Variants in PRKN observed in about 807,000 individuals in gnomAD.
PRKN encodes E3 ubiquitin-protein ligase parkin.
PRKN carries 56 observed loss-of-function variants against 59.5 expected under a neutral mutation model. That is an observed-to-expected ratio of 0.94 (90% CI 0.76 to 1.18). The LOEUF is 1.18. Ranked by LOEUF, PRKN falls within the 50% of genes most tolerant of loss-of-function variation. PRKN has a pLI of 0.00. For missense variants in PRKN, 657 were observed against 596.4 expected, an observed-to-expected ratio of 1.10 and a Z score of -1.06; for synonymous variants, 250 against 222.1, an observed-to-expected ratio of 1.13 and a Z score of -1.12.
At chr6:162,251,339 T>A (rs762969986) in intron 3 of PRKN, among the ~76,000 whole-genome samples, 11 of 152,140 alleles carry the variant, frequency 7.2e-5, no homozygotes, top group Admixed American at 2.6e-4. Flanking sequence ...GAATCACCTG[T>A]GAAACCTTCA....
chr6:162,293,320 C>G (rs1439606159), intron 2 of PRKN, among the ~76,000 whole-genome samples: 1 of 152,122 alleles, frequency 6.6e-6, no homozygotes, highest in African/African-American at 2.4e-5. Flanking sequence ...GAGTATTTCT[C>G]AAAGGGGCCC....
chr6:161,371,327 G>A lies in PRKN; in HGVS notation c.1168-11122C>T, dbSNP rs919590673. ...TTACAGGTGCCTGCTACCACACCCG[G>A]CTACTTGGGAGGCTGAGGGAGGAGA... On this transcript the variant is annotated intron_variant, in intron 10 of 11. Transcript: ENST00000366898. The surrounding 1 kb of genome is among the most constrained non-coding windows in gnomAD (Gnocchi z 5.5). 3.9e-5 allele frequency among the ~76,000 whole-genome samples: 6 copies of A among 151,958 alleles called. No individual in the cohort carries two copies. The East Asian group carries it at 1.2e-3, about 30-fold the overall frequency.
intron 1 of PRKN, among the ~76,000 whole-genome samples, chr6:162,679,904 T>C (rs2128232410): frequency 6.6e-6 from 1 of 152,286 alleles, no homozygotes; most frequent in East Asian, 1.9e-4. Context: ...GTTAAAGCCT[T>C]AGGGTCAGCA....
intron 1 of PRKN, among the ~76,000 whole-genome samples, chr6:162,527,339 C>T (rs1370466266): frequency 6.6e-6 from 1 of 152,060 alleles, no homozygotes; most frequent in Admixed American, 6.6e-5. Flanking sequence ...TAACAGTCTT[C>T]GAAGGTATGC....
chr6:161,906,964 G>GC (rs1395751611), intron 6 of PRKN, among the ~76,000 whole-genome samples: 2 of 151,970 alleles, frequency 1.3e-5, no homozygotes, highest in Non-Finnish European at 2.9e-5. Flanking sequence ...ATTAGATGGT[G>GC]CCCACCCAGA....
intron 5 of PRKN, among the ~76,000 whole-genome samples, chr6:162,018,012 AT>A (rs1229173206): frequency 2.0e-5 from 3 of 149,914 alleles, no homozygotes; most frequent in African/African-American, 7.6e-5. Flanking sequence ...AACACAGGCC[AT>A]AATAACTTTT....
intron 1 of PRKN, among the ~76,000 whole-genome samples, chr6:162,621,894 C>T (rs1182616618): frequency 1.3e-5 from 2 of 152,132 alleles, no homozygotes; most frequent in Non-Finnish European, 2.9e-5. Flanking sequence ...CGGCTTACTG[C>T]AGCCTCCATC....
intron 7 of PRKN, among the ~76,000 whole-genome samples, chr6:161,782,806 A>G (rs2128206021): frequency 6.6e-6 from 1 of 152,214 alleles, no homozygotes; most frequent in East Asian, 1.9e-4. Flanking sequence ...AGGCAGGAGA[A>G]TCACTTGAAC....
chr6:162,112,185 A>G (rs937788464), intron 4 of PRKN, among the ~76,000 whole-genome samples: 2 of 152,218 alleles, frequency 1.3e-5, no homozygotes, highest in Non-Finnish European at 2.9e-5. Context: ...ACCTTCAAAC[A>G]ACACTTGACA....
At position 162,360,439 on chromosome 6, in the gene PRKN, A is replaced by C. The variant is rs535129262; in HGVS notation, c.171+82871T>G. On this transcript the variant is annotated intron_variant, in intron 2 of 11. Coordinates refer to ENST00000366898, the MANE Select transcript of PRKN (RefSeq NM_004562.3). Reference sequence around the variant, plus strand: ...ACAAATTAATGGATTTTGAAGGAGAAAGGCTTTCCTTTCAAAAGAATGGTA... The same window carrying C: ...ACAAATTAATGGATTTTGAAGGAGACAGGCTTTCCTTTCAAAAGAATGGTA... Among the ~76,000 whole-genome samples, 3 of 152,292 alleles carry C rather than the reference A, an allele frequency of 2.0e-5. No individual in the cohort carries two copies. In the East Asian group the frequency reaches 5.8e-4, roughly 29 times the overall value.
At chr6:162,294,053 A>C (rs563167567) in intron 2 of PRKN, among the ~76,000 whole-genome samples, 2 of 152,254 alleles carry the variant, frequency 1.3e-5, no homozygotes, top group East Asian at 3.9e-4. Flanking sequence ...GCCAAAGTCA[A>C]GTCTTTAGGG....
intron 1 of PRKN, among the ~76,000 whole-genome samples, chr6:162,599,499 TAAC>T (rs71927433): frequency 0.91 from 137,051 of 151,418 alleles, 62,276 homozygotes; most frequent in South Asian, 0.97. Flanking sequence ...ACAGAAAAAA[TAAC>T]AACAACAACA....
chr6:161,980,606 C>A (rs1354367809), intron 5 of PRKN, among the ~76,000 whole-genome samples: 1 of 152,210 alleles, frequency 6.6e-6, no homozygotes, highest in Non-Finnish European at 1.5e-5. Context: ...GTATTGGAGT[C>A]ACCACAGCTC....
rs1358067176 is a variant in PRKN, at chr6:161,407,971, C to T, written c.1084-21094G>A. 6.6e-5 allele frequency among the ~76,000 whole-genome samples: 10 copies of T among 152,174 alleles called. No individual in the cohort carries two copies. Among genetic ancestry groups the T allele is most frequent in the Non-Finnish European group, 1.5e-4 (10 of 68,048 alleles). On this transcript the variant is annotated intron_variant, in intron 9 of 11. Transcript: ENST00000366898. The surrounding 1 kb of genome is among the most constrained non-coding windows in gnomAD (Gnocchi z 4.9). The stretch of plus-strand genomic sequence containing the variant: ...CTATAAAGCTGCCCCTCTCCTATCT[C>T]CCTTCGCTGACTCTCTTTTTGGACT...
intron 9 of PRKN, among the ~76,000 whole-genome samples, chr6:161,430,920 G>A (rs1383809222): frequency 2.6e-5 from 4 of 151,494 alleles, no homozygotes; most frequent in Non-Finnish European, 5.9e-5. Context: ...CGGATCACCT[G>A]AGGTCAGAAG....
At chr6:161,781,324 A>G (rs1037667486) in intron 7 of PRKN, among the ~76,000 whole-genome samples, 1 of 152,192 alleles carries the variant, frequency 6.6e-6, no homozygotes, top group African/African-American at 2.4e-5. Flanking sequence ...AGGTGGCCAC[A>G]TTCACAAAAA....
At chr6:162,112,702 G>C (rs1780493753) in intron 4 of PRKN, among the ~76,000 whole-genome samples, 1 of 151,906 alleles carries the variant, frequency 6.6e-6, no homozygotes, top group Non-Finnish European at 1.5e-5. Context: ...GATCACTTGA[G>C]CTAAGACAGG....
chr6:162,379,661 T>G (rs551968980), intron 2 of PRKN, among the ~76,000 whole-genome samples: 14 of 152,276 alleles, frequency 9.2e-5, no homozygotes, highest in Non-Finnish European at 2.1e-4. Context: ...CCAAAGGTCC[T>G]GAGAGCATGC....
At chr6:161,958,821 A>G (rs1204827767) in intron 6 of PRKN, among the ~76,000 whole-genome samples, 3 of 151,868 alleles carry the variant, frequency 2.0e-5, no homozygotes, top group African/African-American at 7.3e-5. Flanking sequence ...TGGAGGTTGC[A>G]GTGAGCTGAG....
Sources: allele counts gnomAD v4.1 joint callset (sites outside exome capture counted in the v4.1 genomes callset), GRCh38; gene constraint gnomAD v4.1.1; non-coding constraint Gnocchi (gnomAD v3.1); transcripts MANE v1.5; gene names NCBI Gene and HGNC (gene_info 2026-07-23, HGNC 2026-07-21).